The following NELL1 variants were observed in gnomAD, a reference collection of about 807,000 sequenced individuals.
NELL1 encodes the protein neural EGFL like 1.
In NELL1, 76 loss-of-function variants were observed where a neutral mutation model predicts 107.4. That is an observed-to-expected ratio of 0.71 (90% CI 0.59 to 0.86). The LOEUF (loss-of-function observed/expected upper bound fraction) is 0.86. NELL1 is among the 40% of genes least tolerant of loss of function. The probability of loss-of-function intolerance (pLI) is 0.00; values close to 1 mark genes in which losing one functional copy is unlikely to be tolerated. For synonymous variants in NELL1, 353 were observed against 341.2 expected (o/e 1.03, Z -0.38); for missense variants, 1,024 against 1,005.5 (o/e 1.02, Z -0.25).
chr11:21,357,193 G>T (rs1850954304), intron 14 of NELL1, among the ~76,000 whole-genome samples: 1 of 152,102 alleles, frequency 6.6e-6, no homozygotes, highest in Non-Finnish European at 1.5e-5. Context: ...TGGGTCAAAT[G>T]GTAGTTCTCT....
At chr11:20,737,501 G>A (rs1855789453) in intron 2 of NELL1, among the ~76,000 whole-genome samples, 1 of 152,062 alleles carries the variant, frequency 6.6e-6, no homozygotes, top group African/African-American at 2.4e-5. Context: ...GTGACCCTGA[G>A]TCAGTTTTTT....
chr11:21,163,118 G>A (rs1356068956), intron 13 of NELL1, among the ~76,000 whole-genome samples: 1 of 152,126 alleles, frequency 6.6e-6, no homozygotes, highest in East Asian at 1.9e-4. Flanking sequence ...GGAAACACTG[G>A]TCATTCAAAC....
At chr11:20,788,313 C>T (rs1030285133) in intron 3 of NELL1, among the ~76,000 whole-genome samples, 3 of 152,130 alleles carry the variant, frequency 2.0e-5, no homozygotes, top group Non-Finnish European at 4.4e-5. Context: ...TTTTACATTC[C>T]CCGAAGCAGC....
At chr11:21,225,561 C>T (rs1200936558) in intron 13 of NELL1, among the ~76,000 whole-genome samples, 2 of 152,136 alleles carry the variant, frequency 1.3e-5, no homozygotes, top group Non-Finnish European at 2.9e-5. Flanking sequence ...CAGTATTCTT[C>T]CTTAAATACT....
chr11:21,547,126 A>C (rs1386302081), intron 16 of NELL1, among the ~76,000 whole-genome samples: 1 of 142,036 alleles, frequency 7.0e-6, no homozygotes, highest in Admixed American at 6.7e-5. Context: ...AGACTCTAAG[A>C]AAAAAGCAAC....
intron 16 of NELL1, among the ~76,000 whole-genome samples, chr11:21,534,769 A>G (rs1591014688): frequency 1.3e-5 from 2 of 152,162 alleles, no homozygotes; most frequent in Admixed American, 1.3e-4. Flanking sequence ...TGTTCTAAGG[A>G]AAACCTTAGT....
chr11:21,521,667 G>A (rs1855729070), intron 15 of NELL1, among the ~76,000 whole-genome samples: 1 of 152,012 alleles, frequency 6.6e-6, no homozygotes, highest in African/African-American at 2.4e-5. Flanking sequence ...TCAAATTGTA[G>A]TTTTATTTTT....
rs78576521 is a variant in NELL1, at chr11:21,234,692, A to G, written c.1549+5238A>G. Among the ~76,000 whole-genome samples the G allele has an allele frequency of 7.1e-3, 1,088 of 152,312 alleles. 35 individuals are homozygous for G. The highest frequency in any genetic ancestry group is 0.049 in the Admixed American group (745 of 15,284). On this transcript the variant is annotated intron_variant, in intron 14 of 19. Coordinates refer to ENST00000357134, the MANE Select transcript of NELL1 (RefSeq NM_006157.5). ...GTTTGCATTGAGTGCATGTGCAGAC[A>G]AGCTGCTTCCTGGAAGTTTCTGTTT...
At chr11:20,684,508 A>C (rs996623747) in intron 2 of NELL1, among the ~76,000 whole-genome samples, 1 of 152,114 alleles carries the variant, frequency 6.6e-6, no homozygotes, top group African/African-American at 2.4e-5. Context: ...ATATGAATAC[A>C]GTTCTAATAA....
chr11:20,876,911 T>C (rs1415919769), intron 4 of NELL1, among the ~76,000 whole-genome samples: 1 of 152,202 alleles, frequency 6.6e-6, no homozygotes, highest in East Asian at 1.9e-4. Context: ...TGAATATTTG[T>C]TGGTGTCAGA....
At chr11:21,178,542 G>A (rs1856758363) in intron 13 of NELL1, among the ~76,000 whole-genome samples, 1 of 151,642 alleles carries the variant, frequency 6.6e-6, no homozygotes, top group South Asian at 2.1e-4. Context: ...TGATGCTGGA[G>A]GACTGCTTGA....
At chr11:20,771,308 C>G (rs1434728101) in intron 2 of NELL1, among the ~76,000 whole-genome samples, 1 of 152,128 alleles carries the variant, frequency 6.6e-6, no homozygotes, top group Admixed American at 6.5e-5. Flanking sequence ...TGAAATATTG[C>G]TGAGGCCACC....
intron 1 of NELL1, among the ~76,000 whole-genome samples, chr11:20,676,162 C>T (rs1854050782): frequency 6.6e-6 from 1 of 152,134 alleles, no homozygotes; most frequent in Admixed American, 6.5e-5. Flanking sequence ...CCCTTCTCTG[C>T]ATGTGGAAAG....
At chr11:21,522,740 A>G (rs1481795773) in intron 15 of NELL1, among the ~76,000 whole-genome samples, 1 of 150,450 alleles carries the variant, frequency 6.6e-6, no homozygotes, top group Non-Finnish European at 1.5e-5. Flanking sequence ...TATATATTTG[A>G]GTGTTATATC....
chr11:21,489,674 C>T (rs1400334487), intron 15 of NELL1, among the ~76,000 whole-genome samples: 2 of 152,008 alleles, frequency 1.3e-5, no homozygotes, highest in Non-Finnish European at 2.9e-5. Context: ...TACATCACAT[C>T]AGCAGAATGA....
intron 14 of NELL1, among the ~76,000 whole-genome samples, chr11:21,251,144 A>C (rs1858627492): frequency 6.6e-6 from 1 of 152,182 alleles, no homozygotes; most frequent in African/African-American, 2.4e-5. Context: ...TTTAAGCATG[A>C]AAGCATCTAT....
intron 15 of NELL1, among the ~76,000 whole-genome samples, chr11:21,449,086 C>T (rs1016976336): frequency 6.6e-6 from 1 of 152,126 alleles, no homozygotes; most frequent in African/African-American, 2.4e-5. Context: ...GAAATGGCTA[C>T]ATCATGTATA....
intron 14 of NELL1, among the ~76,000 whole-genome samples, chr11:21,247,761 T>A (rs1858531802): frequency 6.6e-6 from 1 of 152,226 alleles, no homozygotes; most frequent in South Asian, 2.1e-4. Context: ...GTACTGTATA[T>A]AATTGTATAT....
At chr11:21,346,640 TATATG>T in intron 14 of NELL1, among the ~76,000 whole-genome samples, 2 of 148,164 alleles carry the variant, frequency 1.3e-5, no homozygotes, top group East Asian at 1.9e-4. Flanking sequence ...ATATATTAAT[TATATG>T]ATATAATATC....
Sources: allele counts gnomAD v4.1 joint callset (sites outside exome capture counted in the v4.1 genomes callset), GRCh38; gene constraint gnomAD v4.1.1; transcripts MANE v1.5; gene names NCBI Gene and HGNC (gene_info 2026-07-23, HGNC 2026-07-21).